The following PCSK1 variants were observed in gnomAD, a reference collection of about 807,000 sequenced individuals.
PCSK1 encodes neuroendocrine convertase 1.
A neutral mutation model predicts 90.6 loss-of-function variants in PCSK1; 56 were observed. That is an observed-to-expected ratio of 0.62 (90% CI 0.50 to 0.77). The LOEUF (loss-of-function observed/expected upper bound fraction) is 0.77. PCSK1 is among the 30% of genes least tolerant of loss of function. The pLI, the probability that PCSK1 is intolerant of heterozygous loss-of-function variation, is 0.00. For synonymous variants in PCSK1, 348 were observed against 342.4 expected (o/e 1.02, Z -0.18); for missense variants, 801 against 932.6 (o/e 0.86, Z 1.84).
At chr5:96,410,659 C>A in intron 8 of PCSK1, 115 bp downstream of exon 8, 1 of 887,286 alleles carries the variant, frequency 1.1e-6, no homozygotes, top group Non-Finnish European at 1.9e-6. Flanking sequence ...GTTCTCCCAA[C>A]TGAGACATCA....
chr5:96,431,147 T>A (rs1761478788), intron 1 of PCSK1, among the ~76,000 whole-genome samples: 1 of 152,194 alleles, frequency 6.6e-6, no homozygotes, highest in Admixed American at 6.5e-5. Context: ...ATGTCCACAG[T>A]ACCCACCAGC....
chr5:96,394,849 CAG>C lies in PCSK1; in HGVS notation c.1884+13_1884+14del, dbSNP rs761584900. ...AGTTCAAAAGAGAGCATGCCAAGAA[CAG>C]AGCCACACAGACCTCCCCTGGATCC... On this transcript the variant is annotated intron_variant, in intron 13 of 13. Coordinates refer to ENST00000311106, the MANE Select transcript of PCSK1 (RefSeq NM_000439.5). 3 of 1,613,536 alleles carry C rather than the reference CAG, an allele frequency of 1.9e-6. No homozygotes were observed. Among genetic ancestry groups the C allele is most frequent in the Middle Eastern group, 1.7e-4 (1 of 6,058 alleles).
At chr5:96,403,866 C>T (rs1760468388) in intron 9 of PCSK1, among the ~76,000 whole-genome samples, 1 of 152,124 alleles carries the variant, frequency 6.6e-6, no homozygotes, top group African/African-American at 2.4e-5. Context: ...TTTCATGCAG[C>T]ATTGAAAGTC....
chr5:96,406,152 T>TA (rs368852704), intron 9 of PCSK1, among the ~76,000 whole-genome samples: 532 of 152,180 alleles, frequency 3.5e-3, no homozygotes, highest in Admixed American at 6.2e-3. Flanking sequence ...AAGAAGTTTG[T>TA]AAAAAAAGGT....
In PCSK1 at chr5:96,429,267, T is replaced by G; in HGVS notation, c.231A>C (p.Arg77Ser). 2 of 1,604,964 alleles carry G rather than the reference T, an allele frequency of 1.2e-6. No individual in the cohort carries two copies. Among genetic ancestry groups the G allele is most frequent in the South Asian group, 2.2e-5 (2 of 90,890 alleles). ...HYLFKHKNHP[R>S]RSRRSAFHIT... ...TATGAAAGGCACTCCTTCGAGACCT[T>G]CTGGGGTGGTTTTTATGTTTGAATA... Residue 77 changes from arginine to serine, a missense_variant, in exon 2 of 14, where the codon AGA becomes AGC. Physicochemically the swap from Arg to Ser is moderately radical, Grantham distance 110. Coordinates refer to ENST00000311106, the MANE Select transcript of PCSK1 (RefSeq NM_000439.5).
At chr5:96,401,658 T>C (rs271923) in intron 9 of PCSK1, among the ~76,000 whole-genome samples, 107,042 of 152,080 alleles carry the variant, frequency 0.7, 38,947 homozygotes, top group African/African-American at 0.89. Flanking sequence ...CCCGAGCTCT[T>C]TTATTCTGCT....
rs768156888 is a variant in PCSK1, at chr5:96,433,009, C to T, written c.34G>A (p.Ala12Thr). The part of the protein sequence containing the change: ...ERRAWSLQCT[A>T]FVLFCAWCAL... ...CACCAAGCGCAAAAGAGGACGAAAGCAGTGCACTGCAGACTCCAGGCTCTT... is the reference window on the plus strand; with the variant it reads ...CACCAAGCGCAAAAGAGGACGAAAGTAGTGCACTGCAGACTCCAGGCTCTT... The change falls in exon 1 of 14, where the codon GCT becomes ACT. Residue 12 changes from alanine (A) to threonine (T), a missense_variant. Transcript: ENST00000311106. 1 of 1,614,214 alleles carries T rather than the reference C, an allele frequency of 6.2e-7. No individual in the cohort carries two copies. Among genetic ancestry groups the T allele is most frequent in the Admixed American group, 1.7e-5 (1 of 60,034 alleles).
chr5:96,412,751 TG>T (rs1364119341), intron 6 of PCSK1, among the ~76,000 whole-genome samples: 90 of 120,928 alleles, frequency 7.4e-4, no homozygotes, highest in Non-Finnish European at 1.3e-3. Context: ...GCAGCTGTGA[TG>T]TTTTTTTTTT....
chr5:96,421,309 T>C (rs186552913), intron 5 of PCSK1, among the ~76,000 whole-genome samples: 3 of 152,288 alleles, frequency 2.0e-5, no homozygotes, highest in Admixed American at 2.0e-4. Context: ...CCTATGGCCT[T>C]ATAGCAGCAG....
intron 2 of PCSK1, among the ~76,000 whole-genome samples, chr5:96,428,141 C>G (rs148708782): frequency 1.3e-5 from 2 of 152,282 alleles, no homozygotes; most frequent in Admixed American, 1.3e-4. Flanking sequence ...TCTTTTTCTT[C>G]TTCTTTTAAA....
At chr5:96,394,250 T>C (rs1760053700) in intron 13 of PCSK1, among the ~76,000 whole-genome samples, 1 of 152,212 alleles carries the variant, frequency 6.6e-6, no homozygotes, top group African/African-American at 2.4e-5. Context: ...ATGTGGGCTT[T>C]TCTCACCATC....
At chr5:96,424,668 G>T (rs1215747368) in intron 3 of PCSK1, among the ~76,000 whole-genome samples, 1 of 152,140 alleles carries the variant, frequency 6.6e-6, no homozygotes, top group Non-Finnish European at 1.5e-5. Context: ...AAATACTTAA[G>T]ATAGTGGCAA....
chr5:96,401,598 T>A (rs1415922741), intron 9 of PCSK1, among the ~76,000 whole-genome samples: 7 of 152,248 alleles, frequency 4.6e-5, no homozygotes, highest in Non-Finnish European at 1.5e-5. Context: ...TATACTATGA[T>A]GAGGCCTTCC....
At position 96,412,333 on chromosome 5, in the gene PCSK1, T is replaced by C; in HGVS notation, c.867A>G (p.Glu289=). 3 of 1,614,168 alleles carry C rather than the reference T, an allele frequency of 1.9e-6. No individual in the cohort carries two copies. Among genetic ancestry groups the C allele is most frequent in the Non-Finnish European group, 2.5e-6 (3 of 1,179,998 alleles). Residue 289 remains glutamate (E), a synonymous_variant, in exon 7 of 14, where the codon GAA becomes GAG. Coordinates refer to ENST00000311106, the MANE Select transcript of PCSK1 (RefSeq NM_000439.5). ...GPGRLAQKAF[E]YGVKQGRQGK... ...AGCATCTTACCTGTTTGACACCATA[T>C]TCAAAAGCCTTCTGGGCTAGCCGGC...
At chr5:96,400,461 A>C (rs1760317113) in intron 9 of PCSK1, among the ~76,000 whole-genome samples, 1 of 152,230 alleles carries the variant, frequency 6.6e-6, no homozygotes, top group African/African-American at 2.4e-5. Context: ...GCAATATAGA[A>C]GTATAAAACT....
Position 96,410,787 on chromosome 5 carries a change from G to T in PCSK1, c.1082C>A (p.Thr361Asn). Residue 361 changes from threonine to asparagine, a missense_variant, in exon 8 of 14, where the codon ACC becomes AAC. Physicochemically the swap from Thr to Asn is moderately conservative, Grantham distance 65 (BLOSUM62 0). Coordinates refer to ENST00000311106, the MANE Select transcript of PCSK1 (RefSeq NM_000439.5). Reference protein sequence around the residue: ...LATSYSSGDYTDQRITSADLH... With the variant: ...LATSYSSGDYNDQRITSADLH... ...AAAGCAACATACGATTCTCTGGTCG[G>T]TGTAATCTCCGCTGCTGTAAGAGGT... 1 of 1,613,402 alleles carries T rather than the reference G, an allele frequency of 6.2e-7. No homozygotes were observed. Among genetic ancestry groups the T allele is most frequent in the Non-Finnish European group, 8.5e-7 (1 of 1,179,320 alleles).
chr5:96,400,588 A>G (rs1760321689), intron 9 of PCSK1, among the ~76,000 whole-genome samples: 1 of 152,230 alleles, frequency 6.6e-6, no homozygotes. Flanking sequence ...TTTCAGCATT[A>G]TGAACCCACA....
chr5:96,393,487 G>A, intron 13 of PCSK1, 109 bp from the exon 14 acceptor site: 1 of 1,261,874 alleles, frequency 7.9e-7, no homozygotes, highest in Non-Finnish European at 1.1e-6. Flanking sequence ...GAGAGGCAAT[G>A]AGGGGAGGGG....
intron 7 of PCSK1, among the ~76,000 whole-genome samples, chr5:96,411,862 T>C (rs1364669106): frequency 6.6e-6 from 1 of 152,174 alleles, no homozygotes. Context: ...CAGGCTGGAG[T>C]GCAATGCTGC....
Sources: gnomAD v4.1 joint callset for allele counts (sites outside exome capture counted in the v4.1 genomes callset) on GRCh38, gnomAD v4.1.1 for gene constraint, MANE v1.5 for transcripts, NCBI Gene and HGNC (gene_info 2026-07-23, HGNC 2026-07-21) for gene names.